The following NR6A1 variants were observed in gnomAD, a reference collection of about 807,000 sequenced individuals.
The protein encoded by NR6A1 is nuclear receptor subfamily 6 group A member 1.
Under a neutral mutation model 59.1 loss-of-function variants are expected in NR6A1, and 7 were observed. That is an observed-to-expected ratio of 0.12 (90% CI 0.07 to 0.22). NR6A1 has a LOEUF of 0.22. Ranked by LOEUF, NR6A1 falls within the 10% of genes least tolerant of loss-of-function variation. NR6A1 has a pLI of 1.00. For missense variants in NR6A1, 468 were observed against 611.6 expected (o/e 0.77, Z 2.48); for synonymous variants, 243 against 236.1 (o/e 1.03, Z -0.27).
chr9:124,580,617 T>C (rs1171380891), intron 2 of NR6A1, among the ~76,000 whole-genome samples: 1 of 152,060 alleles, frequency 6.6e-6, no homozygotes, highest in Non-Finnish European at 1.5e-5. Flanking sequence ...GTCAGGGGTT[T>C]AAGACCAGCT....
At chr9:124,587,293 G>A (rs774928317) in intron 2 of NR6A1, among the ~76,000 whole-genome samples, 5 of 152,066 alleles carry the variant, frequency 3.3e-5, no homozygotes, top group Admixed American at 6.6e-5. Flanking sequence ...CAAAAAATTC[G>A]AGTGACTTGC....
intron 2 of NR6A1, among the ~76,000 whole-genome samples, chr9:124,591,410 T>C (rs1013886144): frequency 1.3e-5 from 2 of 152,218 alleles, no homozygotes; most frequent in African/African-American, 4.8e-5. Context: ...CTGATGAGGT[T>C]CTTTCTCCAA....
intron 1 of NR6A1, among the ~76,000 whole-genome samples, chr9:124,741,930 A>G (rs1162416055): frequency 2.0e-5 from 3 of 152,202 alleles, no homozygotes; most frequent in Admixed American, 2.0e-4. Flanking sequence ...AGAAGCAGCA[A>G]TCATGGAGCC....
Position 124,579,038 on chromosome 9 carries a change from T to C in NR6A1, c.143-24468A>G, listed in dbSNP as rs141142779. Among the ~76,000 whole-genome samples, 50 of 152,324 alleles carry C rather than the reference T, an allele frequency of 3.3e-4. No homozygotes were observed. The East Asian group carries it at 9.1e-3, about 28-fold the overall frequency. On this transcript the variant is annotated intron_variant, in intron 2 of 9. Coordinates refer to ENST00000487099, the MANE Select transcript of NR6A1 (RefSeq NM_033334.4). ...GGCTCACACCTGTAATCCCGGCACTTTGGGAGTCTGAGACAGGTGGATTGC... is the reference window on the plus strand; with the variant it reads ...GGCTCACACCTGTAATCCCGGCACTCTGGGAGTCTGAGACAGGTGGATTGC...
chr9:124,770,066 G>C (rs1331583797), intron 1 of NR6A1: 1 of 152,380 alleles, frequency 6.6e-6, no homozygotes, highest in African/African-American at 2.4e-5. Context: ...GGGACGAGCG[G>C]TAGGAAGGGC....
intron 2 of NR6A1, among the ~76,000 whole-genome samples, chr9:124,690,009 A>C (rs1005733413): frequency 6.6e-6 from 1 of 152,208 alleles, no homozygotes; most frequent in East Asian, 1.9e-4. Flanking sequence ...AAAAGGATGA[A>C]TCAGAAAACT....
chr9:124,530,404 T>C (rs1833070424), intron 7 of NR6A1, among the ~76,000 whole-genome samples: 1 of 152,224 alleles, frequency 6.6e-6, no homozygotes, highest in East Asian at 1.9e-4. Context: ...TGCCTTTGCC[T>C]GCAGCCGTGC....
At chr9:124,703,207 A>AT (rs80014383) in intron 2 of NR6A1, among the ~76,000 whole-genome samples, 5,021 of 104,512 alleles carry the variant, frequency 0.048, 355 homozygotes, top group African/African-American at 0.12. Flanking sequence ...ACACGGCCAC[A>AT]TTTTTTTTTT....
intron 2 of NR6A1, among the ~76,000 whole-genome samples, chr9:124,728,763 G>A (rs1270520574): frequency 6.6e-6 from 1 of 152,216 alleles, no homozygotes; most frequent in African/African-American, 2.4e-5. Flanking sequence ...GTTTGGAAGA[G>A]TATGCACCAA....
At chr9:124,716,596 ACT>A (rs1464218216) in intron 2 of NR6A1, among the ~76,000 whole-genome samples, 1 of 152,012 alleles carries the variant, frequency 6.6e-6, no homozygotes, top group Non-Finnish European at 1.5e-5. Flanking sequence ...AACACCCACC[ACT>A]CGACAGTTGA....
At chr9:124,760,839 C>G (rs1422935397) in intron 1 of NR6A1, among the ~76,000 whole-genome samples, 1 of 152,260 alleles carries the variant, frequency 6.6e-6, no homozygotes, top group Admixed American at 6.5e-5. Flanking sequence ...TTAGGCCACA[C>G]TCCAGAGTCC....
intron 2 of NR6A1, among the ~76,000 whole-genome samples, chr9:124,639,374 C>T (rs1439260828): frequency 6.6e-6 from 1 of 152,238 alleles, no homozygotes; most frequent in Non-Finnish European, 1.5e-5. Context: ...AAGCACTTTA[C>T]ATGTAAACTC....
chr9:124,723,430 G>A (rs981166006), intron 2 of NR6A1, among the ~76,000 whole-genome samples: 7 of 152,248 alleles, frequency 4.6e-5, no homozygotes, highest in East Asian at 1.9e-4. Flanking sequence ...AAGAAGTCCC[G>A]ACCAAAAGAG....
At chr9:124,671,697 T>C (rs1162512170) in intron 2 of NR6A1, among the ~76,000 whole-genome samples, 2 of 152,222 alleles carry the variant, frequency 1.3e-5, no homozygotes, top group Non-Finnish European at 2.9e-5. Flanking sequence ...TTAAGGCCAC[T>C]CTTAAGTGAC....
At chr9:124,749,030 AGGCG>A (rs2131167624) in intron 1 of NR6A1, among the ~76,000 whole-genome samples, 1 of 152,334 alleles carries the variant, frequency 6.6e-6, no homozygotes, top group East Asian at 1.9e-4. Context: ...TGGGAGGCCA[AGGCG>A]GGCGGATCAC....
intron 1 of NR6A1, among the ~76,000 whole-genome samples, chr9:124,762,305 G>A (rs1372000404): frequency 2.0e-5 from 3 of 152,030 alleles, no homozygotes; most frequent in South Asian, 2.1e-4. Context: ...ATAAATTCAC[G>A]TTAGTACAAA....
At chr9:124,619,904 A>G (rs1173102824) in intron 2 of NR6A1, among the ~76,000 whole-genome samples, 2 of 152,092 alleles carry the variant, frequency 1.3e-5, no homozygotes, top group Non-Finnish European at 2.9e-5. Context: ...TCTACTAAAA[A>G]TACAAAATTA....
At chr9:124,738,038 G>A (rs865958208) in intron 1 of NR6A1, among the ~76,000 whole-genome samples, 15 of 152,168 alleles carry the variant, frequency 9.9e-5, no homozygotes, top group African/African-American at 3.1e-4. Context: ...GGCAGATCAC[G>A]AGGCCAGGAG....
intron 1 of NR6A1, among the ~76,000 whole-genome samples, chr9:124,750,877 C>T (rs1261284982): frequency 6.6e-6 from 1 of 152,168 alleles, no homozygotes; most frequent in Non-Finnish European, 1.5e-5. Flanking sequence ...AAATTGAAGT[C>T]TGGCTTTAAT....
Sources: allele counts gnomAD v4.1 joint callset (sites outside exome capture counted in the v4.1 genomes callset), GRCh38; gene constraint gnomAD v4.1.1; transcripts MANE v1.5; gene names NCBI Gene and HGNC (gene_info 2026-07-23, HGNC 2026-07-21).